Variants in PLCL1 observed in about 807,000 individuals in gnomAD.
PLCL1 encodes inactive phospholipase C-like protein 1.
In PLCL1, 41 loss-of-function variants were observed where a neutral mutation model predicts 84.4. The observed-to-expected ratio is 0.49, with a 90% CI of 0.38 to 0.63. The LOEUF (loss-of-function observed/expected upper bound fraction) is 0.63, where lower values mean the gene tolerates loss of function less well. Among genes scored for constraint, PLCL1 ranks in the 30% least tolerant of loss-of-function variants. The probability of loss-of-function intolerance (pLI) is 0.00; values close to 1 mark genes in which losing one functional copy is unlikely to be tolerated. For missense variants in PLCL1, 1,206 were observed against 1,367.8 expected (o/e 0.88, Z 1.87); for synonymous variants, 490 against 488.3 (o/e 1.00, Z -0.05).
chr2:197,965,479 T>C (rs1475493048), intron 1 of PLCL1, among the ~76,000 whole-genome samples: 1 of 152,102 alleles, frequency 6.6e-6, no homozygotes, highest in African/African-American at 2.4e-5. Flanking sequence ...AAAGTTTTGT[T>C]GATTGTTTTT....
intron 1 of PLCL1, among the ~76,000 whole-genome samples, chr2:197,927,356 G>A (rs1688850753): frequency 1.3e-5 from 2 of 152,010 alleles, no homozygotes; most frequent in African/African-American, 2.4e-5. Context: ...AACTCATCTT[G>A]GCACCACCAA....
chr2:197,907,604 G>T (rs1688410488), intron 1 of PLCL1, among the ~76,000 whole-genome samples: 2 of 152,142 alleles, frequency 1.3e-5, no homozygotes, highest in East Asian at 1.9e-4. Flanking sequence ...TCTGACCATG[G>T]CATGGGATGA....
chr2:198,114,403 C>A (rs1693690865), intron 5 of PLCL1, among the ~76,000 whole-genome samples: 1 of 151,408 alleles, frequency 6.6e-6, no homozygotes, highest in African/African-American at 2.4e-5. Context: ...CTGAATAATT[C>A]AAAAGTGGCA....
chr2:198,087,263 G>A (rs1692908974), intron 2 of PLCL1, among the ~76,000 whole-genome samples: 1 of 151,818 alleles, frequency 6.6e-6, no homozygotes, highest in South Asian at 2.1e-4. Flanking sequence ...GTAAAATTAG[G>A]GTATATGGAA....
intron 1 of PLCL1, among the ~76,000 whole-genome samples, chr2:197,985,948 G>A (rs1248988964): frequency 6.6e-6 from 1 of 152,144 alleles, no homozygotes; most frequent in African/African-American, 2.4e-5. Flanking sequence ...TGTGATTAGT[G>A]GTGAGATCCT....
At chr2:197,989,345 GT>G (rs1459952761) in intron 1 of PLCL1, among the ~76,000 whole-genome samples, 8 of 152,282 alleles carry the variant, frequency 5.3e-5, no homozygotes, top group Admixed American at 5.2e-4. Flanking sequence ...TTAAGTTAAT[GT>G]TTTGGTGGCT....
At position 197,926,438 on chromosome 2, in the gene PLCL1, G is replaced by A. The variant is rs567065381; in HGVS notation, c.240+121099G>A. The stretch of plus-strand genomic sequence containing the variant: ...ATGTTATCCTTTATCTTTATGCAAT[G>A]TTTCCCATATGTCAGCCATTCATGG... On this transcript the variant is annotated intron_variant, in intron 1 of 5. Coordinates refer to ENST00000428675, the MANE Select transcript of PLCL1 (RefSeq NM_006226.4). Among the ~76,000 whole-genome samples the A allele has an allele frequency of 1.6e-4, 25 of 152,196 alleles. No homozygotes were observed. In the South Asian group the frequency reaches 5.0e-3, roughly 30 times the overall value.
At chr2:197,872,638 T>C (rs551108100) in intron 1 of PLCL1, among the ~76,000 whole-genome samples, 1 of 152,308 alleles carries the variant, frequency 6.6e-6, no homozygotes, top group South Asian at 2.1e-4. Flanking sequence ...ACAATGATCA[T>C]GATACCCACT....
chr2:197,922,996 A>T (rs1175913236), intron 1 of PLCL1, among the ~76,000 whole-genome samples: 57 of 80,876 alleles, frequency 7.0e-4, no homozygotes, highest in Admixed American at 1.3e-3. Context: ...CTGGCCGGGC[A>T]GAGGGGCTCC....
intron 1 of PLCL1, among the ~76,000 whole-genome samples, chr2:197,887,721 C>T (rs1687948036): frequency 6.6e-6 from 1 of 152,150 alleles, no homozygotes; most frequent in Non-Finnish European, 1.5e-5. Context: ...AGTAATTTCT[C>T]ATGCCTCATT....
In PLCL1 at chr2:198,084,265, G is replaced by C; in HGVS notation, c.748G>C (p.Ala250Pro). ...CATGTGGTTGAAAACAGTGTTTGAA[G>C]CAGCAGATGTTGATGGGAATGGGAT... Reference protein sequence around the residue: ...RFMWLKTVFEAADVDGNGIML... With the variant: ...RFMWLKTVFEPADVDGNGIML... Residue 250 changes from alanine (A) to proline (P), a missense_variant, in exon 2 of 6, where the codon GCA (alanine) becomes CCA (proline). Ala to Pro is a conservative substitution (Grantham distance 27, BLOSUM62 -1). Transcript: ENST00000428675. 6.2e-7 allele frequency: 1 copy of C among 1,614,150 alleles called. No homozygotes were observed. The highest frequency in any genetic ancestry group is 8.5e-7 in the Non-Finnish European group (1 of 1,180,000).
intron 1 of PLCL1, among the ~76,000 whole-genome samples, chr2:197,897,713 A>G (rs1688183143): frequency 6.6e-6 from 1 of 152,194 alleles, no homozygotes; most frequent in African/African-American, 2.4e-5. Flanking sequence ...AATATGCATT[A>G]AAGGATTTAA....
chr2:197,817,909 G>T (rs1004905758), intron 1 of PLCL1, among the ~76,000 whole-genome samples: 5 of 151,856 alleles, frequency 3.3e-5, no homozygotes, highest in East Asian at 1.9e-4. Flanking sequence ...ATGGTCTTTG[G>T]TTTTTTTGGA....
At chr2:197,874,603 TA>T (rs2105708261) in intron 1 of PLCL1, among the ~76,000 whole-genome samples, 1 of 152,272 alleles carries the variant, frequency 6.6e-6, no homozygotes, top group East Asian at 1.9e-4. Context: ...TTTGAAATTT[TA>T]AAAGGTGAAA....
intron 1 of PLCL1, among the ~76,000 whole-genome samples, chr2:197,835,979 AT>A (rs899341222): frequency 2.6e-5 from 4 of 151,944 alleles, no homozygotes; most frequent in Non-Finnish European, 2.9e-5. Flanking sequence ...TTACAAATGA[AT>A]TTTTTTTCCT....
intron 1 of PLCL1, among the ~76,000 whole-genome samples, chr2:197,880,536 A>G (rs1304002450): frequency 6.6e-6 from 1 of 152,186 alleles, no homozygotes; most frequent in Non-Finnish European, 1.5e-5. Flanking sequence ...TCTAAGACAC[A>G]ATGGAAAACA....
intron 1 of PLCL1, among the ~76,000 whole-genome samples, chr2:198,033,817 G>C: frequency 6.6e-6 from 1 of 152,088 alleles, no homozygotes. Flanking sequence ...TATTTCCTAA[G>C]ATTCTGTTTC....
intron 1 of PLCL1, among the ~76,000 whole-genome samples, chr2:197,910,437 C>T (rs1688466279): frequency 6.6e-6 from 1 of 152,236 alleles, no homozygotes; most frequent in South Asian, 2.1e-4. Flanking sequence ...CCCAAGCCCT[C>T]CTTTTACCCC....
At chr2:198,107,301 A>G (rs541385224) in intron 5 of PLCL1, among the ~76,000 whole-genome samples, 29 of 151,990 alleles carry the variant, frequency 1.9e-4, no homozygotes, top group African/African-American at 7.0e-4. Context: ...TCCCTCCTAC[A>G]ACACGTGGGG....
Sources: allele counts gnomAD v4.1 joint callset (sites outside exome capture counted in the v4.1 genomes callset), GRCh38; gene constraint gnomAD v4.1.1; transcripts MANE v1.5; gene names NCBI Gene and HGNC (gene_info 2026-07-23, HGNC 2026-07-21).